Variants in RCOR1 observed in about 807,000 individuals in gnomAD.
RCOR1 encodes REST corepressor 1.
Under a neutral mutation model 64.0 loss-of-function variants are expected in RCOR1, and 12 were observed. The ratio of observed to expected loss-of-function variants is 0.19; its 90% CI spans 0.12 to 0.30. The LOEUF (loss-of-function observed/expected upper bound fraction) is 0.30, where lower values mean the gene tolerates loss of function less well. Among genes scored for constraint, RCOR1 ranks in the 10% least tolerant of loss-of-function variants. The pLI is 1.00. For missense variants in RCOR1, 502 were observed against 621.2 expected (o/e 0.81, Z 2.04); for synonymous variants, 279 against 227.2 (o/e 1.23, Z -2.05).
At chr14:102,683,567 C>T (rs1015126570) in intron 3 of RCOR1, among the ~76,000 whole-genome samples, 2 of 152,232 alleles carry the variant, frequency 1.3e-5, no homozygotes, top group African/African-American at 2.4e-5. Flanking sequence ...CCTACTGTTC[C>T]ACCAGCGGGG....
intron 2 of RCOR1, among the ~76,000 whole-genome samples, chr14:102,598,648 C>G (rs1395754049): frequency 2.0e-5 from 3 of 151,792 alleles, no homozygotes; most frequent in Non-Finnish European, 2.9e-5. Context: ...CGGGGTTCCA[C>G]CATGTTAGCC....
In RCOR1 at chr14:102,730,064, C is replaced by T. The variant is rs893110603; in HGVS notation, c.*3558C>T. The T allele has an allele frequency of 2.3e-5, 9 of 398,800 alleles. No individual in the cohort carries two copies. Among genetic ancestry groups the T allele is most frequent in the South Asian group, 1.3e-4 (1 of 7,792 alleles). The allele number at this position is 398,800 out of a possible 1,614,324, so 24.7% of individuals were successfully genotyped here. A position where few individuals can be genotyped will look rare whatever the true frequency, so the allele number is the denominator to read the frequency against. On this transcript the variant is annotated 3_prime_UTR_variant, in exon 12 of 12. Transcript: ENST00000262241. The stretch of plus-strand genomic sequence containing the variant: ...TAGTAAAGCACAATTGCAGTGGCGT[C>T]GCATTCAGAAGAAGGGAAGGTCAGC...
At chr14:102,615,447 C>CTT (rs560136180) in intron 2 of RCOR1, among the ~76,000 whole-genome samples, 40 of 131,904 alleles carry the variant, frequency 3.0e-4, no homozygotes, top group South Asian at 1.2e-3. Flanking sequence ...CTGCATAATT[C>CTT]TTTTTTTTTT....
intron 11 of RCOR1, among the ~76,000 whole-genome samples, chr14:102,724,528 C>T (rs893249140): frequency 4.6e-5 from 7 of 152,094 alleles, no homozygotes; most frequent in African/African-American, 1.2e-4. Context: ...GATGGGGTTT[C>T]GGCATGTTGA....
At chr14:102,617,997 G>C (rs1419777612) in intron 2 of RCOR1, among the ~76,000 whole-genome samples, 5 of 126,032 alleles carry the variant, frequency 4.0e-5, no homozygotes, top group Admixed American at 2.6e-4. Flanking sequence ...TTGTGAGACA[G>C]AGTCTTGCTT....
chr14:102,637,131 ATT>A (rs370969846), intron 2 of RCOR1, among the ~76,000 whole-genome samples: 3 of 141,474 alleles, frequency 2.1e-5, no homozygotes, highest in Admixed American at 7.1e-5. Flanking sequence ...TTGTTTTTTT[ATT>A]TTTTTTTTTT....
chr14:102,630,797 C>T (rs907610480), intron 2 of RCOR1, among the ~76,000 whole-genome samples: 1 of 152,074 alleles, frequency 6.6e-6, no homozygotes, highest in African/African-American at 2.4e-5. Context: ...GAAAGTGCAC[C>T]GAACCACTCA....
intron 2 of RCOR1, among the ~76,000 whole-genome samples, chr14:102,635,199 C>A (rs34955690): frequency 0.029 from 4,423 of 152,232 alleles, 90 homozygotes; most frequent in Non-Finnish European, 0.044. Flanking sequence ...CTAAAATCTT[C>A]TGTTACAAAA....
chr14:102,598,447 C>CTTTTTT (rs34776749), intron 2 of RCOR1, among the ~76,000 whole-genome samples: 2 of 127,276 alleles, frequency 1.6e-5, no homozygotes, highest in Non-Finnish European at 1.6e-5. Context: ...TGATTCAGTT[C>CTTTTTT]TTTTTTTTTT....
chr14:102,617,454 T>C (rs1027825729), intron 2 of RCOR1, among the ~76,000 whole-genome samples: 1 of 152,142 alleles, frequency 6.6e-6, no homozygotes, highest in African/African-American at 2.4e-5. Context: ...GGTAAAACCA[T>C]AGTAATTGGC....
At chr14:102,611,910 C>T (rs1285457004) in intron 2 of RCOR1, among the ~76,000 whole-genome samples, 1 of 152,168 alleles carries the variant, frequency 6.6e-6, no homozygotes, top group Non-Finnish European at 1.5e-5. Flanking sequence ...TAGCTCCTTG[C>T]AGCCTCAAAC....
At position 102,593,291 on chromosome 14, in the gene RCOR1, C is replaced by G. The variant is rs1303191592; in HGVS notation, c.327C>G (p.Pro109=). The G allele has an allele frequency of 6.5e-7, 1 of 1,549,368 alleles. No individual in the cohort carries two copies. The highest frequency in any genetic ancestry group is 8.7e-7 in the Non-Finnish European group (1 of 1,153,742). Residue 109 remains proline, a synonymous_variant, in exon 2 of 12, where the codon CCC becomes CCG. Transcript: ENST00000262241. The stretch of plus-strand genomic sequence containing the variant: ...GTGGCGGTGGCATGAGGGTCGGACC[C>G]CAGTACCAGGCGGTGGTGCCCGACT... ...EHGGGGMRVG[P]QYQAVVPDFD...
At chr14:102,642,133 C>T (rs1894382378) in intron 2 of RCOR1, among the ~76,000 whole-genome samples, 1 of 152,110 alleles carries the variant, frequency 6.6e-6, no homozygotes, top group South Asian at 2.1e-4. Flanking sequence ...TACCTCTTTC[C>T]CTTTACTCCT....
chr14:102,599,803 G>A (rs1356641778), intron 2 of RCOR1, among the ~76,000 whole-genome samples: 1 of 93,786 alleles, frequency 1.1e-5, no homozygotes, highest in African/African-American at 3.5e-5. Context: ...GTTTTGTTTT[G>A]TTTTGTTTTT....
intron 2 of RCOR1, among the ~76,000 whole-genome samples, chr14:102,635,549 C>T (rs1894217603): frequency 6.6e-6 from 1 of 151,988 alleles, no homozygotes; most frequent in African/African-American, 2.4e-5. Flanking sequence ...TATGTATATA[C>T]ATATACAGAA....
chr14:102,655,200 A>G (rs1054623705), intron 2 of RCOR1: 18 of 968,832 alleles, frequency 1.9e-5, no homozygotes, highest in Non-Finnish European at 2.1e-5. Context: ...TAAAAGATGC[A>G]AAAGGGTTAT....
chr14:102,699,337 T>C (rs749639502), intron 3 of RCOR1, among the ~76,000 whole-genome samples: 7 of 152,218 alleles, frequency 4.6e-5, no homozygotes, highest in Non-Finnish European at 8.8e-5. Flanking sequence ...AATCGGAAAT[T>C]AGTGGCTTAG....
At chr14:102,634,085 A>G (rs1413168337) in intron 2 of RCOR1, among the ~76,000 whole-genome samples, 2 of 152,020 alleles carry the variant, frequency 1.3e-5, no homozygotes, top group African/African-American at 4.8e-5. Flanking sequence ...CAGTGCTTGG[A>G]AAAAGGATGT....
intron 2 of RCOR1, among the ~76,000 whole-genome samples, chr14:102,630,313 A>T (rs530496786): frequency 6.6e-6 from 1 of 152,312 alleles, no homozygotes; most frequent in East Asian, 1.9e-4. Context: ...CATGTGTGGA[A>T]GCAGCCTGAG....
Sources: gnomAD v4.1 joint callset for allele counts (sites outside exome capture counted in the v4.1 genomes callset) on GRCh38, gnomAD v4.1.1 for gene constraint, MANE v1.5 for transcripts, NCBI Gene and HGNC (gene_info 2026-07-23, HGNC 2026-07-21) for gene names.